Variants in MAPKAPK2 observed in about 807,000 individuals in gnomAD.
MAPKAPK2 encodes the protein MAP kinase-activated protein kinase 2.
Under a neutral mutation model 48.8 loss-of-function variants are expected in MAPKAPK2, and 9 were observed. The ratio of observed to expected loss-of-function variants is 0.18; its 90% CI spans 0.11 to 0.32. MAPKAPK2 has a LOEUF of 0.32. MAPKAPK2 is among the 10% of genes least tolerant of loss of function. The pLI, the probability that MAPKAPK2 is intolerant of heterozygous loss-of-function variation, is 1.00. For synonymous variants in MAPKAPK2, 202 were observed against 190.6 expected, an observed-to-expected ratio of 1.06 and a Z score of -0.49; for missense variants, 331 against 498.3, an observed-to-expected ratio of 0.66 and a Z score of 3.20.
chr1:206,731,413 C>T lies in MAPKAPK2; in HGVS notation c.892+151C>T. 1 of 1,432,634 alleles carries T rather than the reference C, an allele frequency of 7.0e-7. No homozygotes were observed. The highest frequency in any genetic ancestry group is 9.4e-7 in the Non-Finnish European group (1 of 1,060,052). The allele number at this position is 1,432,634 out of a possible 1,614,324, so 88.7% of individuals were successfully genotyped here. On this transcript the variant is annotated intron_variant, in intron 7 of 9. Transcript: ENST00000367103. This position sits in a 1 kb window ranked among gnomAD's most constrained non-coding sequence, Gnocchi z 5.9. The stretch of plus-strand genomic sequence containing the variant: ...CTATGCCCACGCCTGCGGGGTGCGT[C>T]CTGCTTCATTTTGCCTGTGTGGAGG...
At chr1:206,729,834 C>T in intron 4 of MAPKAPK2, 138 bp from the exon 5 acceptor site, 1 of 1,058,556 alleles carries the variant, frequency 9.4e-7, no homozygotes, top group Non-Finnish European at 1.4e-6. Flanking sequence ...AGCTGCCACT[C>T]CTCGTGGTGG....
intron 1 of MAPKAPK2, among the ~76,000 whole-genome samples, chr1:206,694,028 G>A (rs1406722943): frequency 1.3e-5 from 2 of 152,230 alleles, no homozygotes; most frequent in Non-Finnish European, 2.9e-5. Flanking sequence ...GGATCCTGGA[G>A]ACTTGTGGAG....
At chr1:206,699,189 A>C (rs1672722153) in intron 1 of MAPKAPK2, among the ~76,000 whole-genome samples, 1 of 152,182 alleles carries the variant, frequency 6.6e-6, no homozygotes, top group Non-Finnish European at 1.5e-5. Flanking sequence ...CATTTTTGTC[A>C]TTTGACCCTT....
chr1:206,691,008 C>T (rs797037626), intron 1 of MAPKAPK2, among the ~76,000 whole-genome samples: 1 of 152,180 alleles, frequency 6.6e-6, no homozygotes, highest in African/African-American at 2.4e-5. Flanking sequence ...AAGAGTTGTT[C>T]TTTGCAGGGA....
At chr1:206,722,880 C>G (rs1271975936) in intron 1 of MAPKAPK2, among the ~76,000 whole-genome samples, 1 of 152,224 alleles carries the variant, frequency 6.6e-6, no homozygotes, top group Non-Finnish European at 1.5e-5. Flanking sequence ...GCAGAGGCGC[C>G]GGTGGTCCGG....
At chr1:206,697,325 A>T (rs149410159) in intron 1 of MAPKAPK2, among the ~76,000 whole-genome samples, 36 of 152,318 alleles carry the variant, frequency 2.4e-4, no homozygotes, top group Non-Finnish European at 5.1e-4. Context: ...CGAGTGTTAA[A>T]CACTGTATTA....
Position 206,732,954 on chromosome 1 carries a change from C to G in MAPKAPK2, c.*236C>G. On this transcript the variant is annotated 3_prime_UTR_variant, in exon 10 of 10. Transcript: ENST00000367103. The surrounding 1 kb of genome is among the most constrained non-coding windows in gnomAD (Gnocchi z 4.4). ...AGCAAGGTGCTCTTGAACCTGTGCTCATTTTGCAATTTTATCAGTAATTTG... is the reference window on the plus strand; with the variant it reads ...AGCAAGGTGCTCTTGAACCTGTGCTGATTTTGCAATTTTATCAGTAATTTG... The G allele has an allele frequency of 2.1e-6, 1 of 483,414 alleles. No individual in the cohort carries two copies. The highest frequency in any genetic ancestry group is 3.6e-6 in the Non-Finnish European group (1 of 275,128). The allele number at this position is 483,414 out of a possible 1,614,324, so 29.9% of individuals were successfully genotyped here.
At chr1:206,698,723 G>C (rs540523387) in intron 1 of MAPKAPK2, among the ~76,000 whole-genome samples, 1 of 152,112 alleles carries the variant, frequency 6.6e-6, no homozygotes, top group African/African-American at 2.4e-5. Context: ...ACATGTTCAT[G>C]TACAGAATAA....
At chr1:206,728,258 G>C (rs575714519) in intron 1 of MAPKAPK2, among the ~76,000 whole-genome samples, 1 of 152,270 alleles carries the variant, frequency 6.6e-6, no homozygotes, top group African/African-American at 2.4e-5. Flanking sequence ...GATTTGTTGT[G>C]CTGGGTCTGA....
chr1:206,687,997 C>T (rs998091925), intron 1 of MAPKAPK2, among the ~76,000 whole-genome samples: 2 of 152,206 alleles, frequency 1.3e-5, no homozygotes, highest in Admixed American at 6.5e-5. Context: ...TGCCTATAGT[C>T]GGTGACCTCT....
chr1:206,726,692 C>T (rs1224143995), intron 1 of MAPKAPK2, among the ~76,000 whole-genome samples: 1 of 152,240 alleles, frequency 6.6e-6, no homozygotes, highest in African/African-American at 2.4e-5. Flanking sequence ...TGGATTCCAA[C>T]CTTGGCTCTG....
chr1:206,690,569 A>T (rs1672427090), intron 1 of MAPKAPK2, among the ~76,000 whole-genome samples: 1 of 152,224 alleles, frequency 6.6e-6, no homozygotes, highest in African/African-American at 2.4e-5. Context: ...AGGTTGGGCC[A>T]TCCATAATTG....
chr1:206,697,462 C>T (rs1482157642), intron 1 of MAPKAPK2, among the ~76,000 whole-genome samples: 10 of 151,926 alleles, frequency 6.6e-5, no homozygotes, highest in African/African-American at 2.4e-4. Context: ...TGGTGAGGAC[C>T]TCAGGAAGCT....
At position 206,731,562 on chromosome 1, in the gene MAPKAPK2, C is replaced by T. The variant is rs1395671329; in HGVS notation, c.893-78C>T. On this transcript the variant is annotated intron_variant, in intron 7 of 9. Coordinates refer to ENST00000367103, the MANE Select transcript of MAPKAPK2 (RefSeq NM_032960.4). The surrounding 1 kb of genome is among the most constrained non-coding windows in gnomAD (Gnocchi z 5.9). Reference sequence around the variant, plus strand: ...TGCACCCCCTCTTTGAACCTGGTTTCCCCATGAAAACTGGGGAAAGGAGCA... The same window carrying T: ...TGCACCCCCTCTTTGAACCTGGTTTTCCCATGAAAACTGGGGAAAGGAGCA... The T allele has an allele frequency of 3.0e-6, 4 of 1,314,946 alleles. No homozygotes were observed. Among genetic ancestry groups the T allele is most frequent in the Non-Finnish European group, 3.3e-6 (3 of 908,710 alleles). The allele number at this position is 1,314,946 out of a possible 1,614,324, so 81.5% of individuals were successfully genotyped here.
chr1:206,730,560 C>A, intron 5 of MAPKAPK2, 128 bp from the exon 6 acceptor site: 1 of 776,690 alleles, frequency 1.3e-6, no homozygotes, highest in Non-Finnish European at 2.2e-6. Context: ...GCTCTTCCTT[C>A]TGTGCCCCAA....
At chr1:206,691,502 T>TATAC (rs1553426253) in intron 1 of MAPKAPK2, among the ~76,000 whole-genome samples, 38 of 132,734 alleles carry the variant, frequency 2.9e-4, no homozygotes, top group African/African-American at 7.0e-4. Context: ...TATATATATA[T>TATAC]ATACACACAT....
At chr1:206,695,937 G>A (rs530101911) in intron 1 of MAPKAPK2, 4 of 670,540 alleles carry the variant, frequency 6.0e-6, no homozygotes, top group East Asian at 5.4e-5. Flanking sequence ...GGCCCTGAGG[G>A]CCACCTGGGC....
rs1245550536 is a variant in MAPKAPK2, at chr1:206,685,243, C to G, written c.14C>G (p.Ser5Cys). 1.7e-6 allele frequency: 1 copy of G among 590,786 alleles called. No homozygotes were observed. Among genetic ancestry groups the G allele is most frequent in the Non-Finnish European group, 2.5e-6 (1 of 394,518 alleles). 36.6% of individuals were successfully genotyped at this position (590,786 alleles called of 1,614,324 possible). ...TCCCCGGGCACCATGCTGTCCAACT[C>G]CCAGGGCCAGAGCCCGCCGGTGCCG... Reference protein sequence around the residue: MLSNSQGQSPPVPFP... With the variant: MLSNCQGQSPPVPFP... Residue 5 changes from serine (S) to cysteine (C), a missense_variant, in exon 1 of 10, where the codon TCC becomes TGC. Physicochemically the swap from Ser to Cys is moderately radical, Grantham distance 112. This residue lies in a region of MAPKAPK2 where 93 missense variants were observed against 81.0 expected (regional missense o/e 1.15). Transcript: ENST00000367103.
In MAPKAPK2 at chr1:206,731,404, G is replaced by C; in HGVS notation, c.892+142G>C. The C allele has an allele frequency of 6.9e-7, 1 of 1,458,070 alleles. No individual in the cohort carries two copies. The highest frequency in any genetic ancestry group is 2.5e-5 in the East Asian group (1 of 40,740). 90.3% of individuals were successfully genotyped at this position (1,458,070 alleles called of 1,614,324 possible). A position where few individuals can be genotyped will look rare whatever the true frequency, so the allele number is the denominator to read the frequency against. ...GGTTAGCACCTATGCCCACGCCTGCGGGGTGCGTCCTGCTTCATTTTGCCT... is the reference window on the plus strand; with the variant it reads ...GGTTAGCACCTATGCCCACGCCTGCCGGGTGCGTCCTGCTTCATTTTGCCT... On this transcript the variant is annotated intron_variant, in intron 7 of 9. Transcript: ENST00000367103. This position sits in a 1 kb window ranked among gnomAD's most constrained non-coding sequence, Gnocchi z 5.9.
Sources: gnomAD v4.1 joint callset for allele counts (sites outside exome capture counted in the v4.1 genomes callset) on GRCh38, gnomAD v4.1.1 for gene constraint, gnomAD v4.1.1 regional missense constraint, Gnocchi (gnomAD v3.1) non-coding constraint, MANE v1.5 for transcripts, NCBI Gene and HGNC (gene_info 2026-07-23, HGNC 2026-07-21) for gene names.